The following SCN1A variants were observed in gnomAD, a reference collection of about 807,000 sequenced individuals.
The protein encoded by SCN1A is sodium voltage-gated channel alpha subunit 1, also known as sodium channel protein type 1 subunit alpha.
Under a neutral mutation model 193.7 loss-of-function variants are expected in SCN1A, and 13 were observed. The observed-to-expected ratio is 0.07, with a 90% CI of 0.04 to 0.11. SCN1A has a LOEUF of 0.11. Among genes scored for constraint, SCN1A ranks in the 10% least tolerant of loss-of-function variants. The pLI, the probability that SCN1A is intolerant of heterozygous loss-of-function variation, is 1.00. For synonymous variants in SCN1A, 781 were observed against 843.6 expected (o/e 0.93, Z 1.29); for missense variants, 1,432 against 2,451.1 (o/e 0.58, Z 8.78).
At chr2:166,074,859 C>T (rs1684836317) in intron 3 of SCN1A, among the ~76,000 whole-genome samples, 1 of 152,110 alleles carries the variant, frequency 6.6e-6, no homozygotes, top group East Asian at 1.9e-4. Context: ...CAAGGAGGTT[C>T]TCATTGTTGT....
rs1209002654 is a variant in SCN1A, at chr2:166,135,049, C to G, written c.-50+13998G>C. On this transcript the variant is annotated intron_variant, in intron 1 of 26. Coordinates refer to the SCN1A transcript ENST00000635750. ...TGTGTTCTTTCCTTTGCTCTTAAGT[C>G]AGTTAAACATAATGCTTGGGTTCTT... 3.3e-5 allele frequency among the ~76,000 whole-genome samples: 5 copies of G among 152,262 alleles called. No individual in the cohort carries two copies. In the East Asian group the frequency reaches 9.6e-4, roughly 29 times the overall value.
chr2:166,069,975 C>G (rs1021734516), intron 4 of SCN1A, among the ~76,000 whole-genome samples: 1 of 152,086 alleles, frequency 6.6e-6, no homozygotes, highest in African/African-American at 2.4e-5. Flanking sequence ...TCTCAGATAA[C>G]CCAGTCACTA....
At chr2:166,027,287 C>A (rs879505033) in intron 19 of SCN1A, 16 of 152,148 alleles carry the variant, frequency 1.1e-4, no homozygotes, top group Non-Finnish European at 2.2e-4. Flanking sequence ...TTTAACAATG[C>A]TCTTTACTAT....
rs545041745 is a variant in SCN1A at position 166,121,128 on chromosome 2, A to G, written c.-142+5796T>C. 9.9e-5 allele frequency among the ~76,000 whole-genome samples: 15 copies of G among 151,626 alleles called. No individual in the cohort carries two copies. The South Asian group carries it at 2.3e-3, about 23-fold the overall frequency. On this transcript the variant is annotated intron_variant, in intron 2 of 28. Transcript: ENST00000674923. ...TGTCAGGAAAAAAAAGAAAAAAAAA[A>G]AAAAAGAAAAAGAAAGAAAGACAAA...
At chr2:166,044,929 C>T in intron 13 of SCN1A, 114 bp downstream of exon 13, 1 of 1,146,454 alleles carries the variant, frequency 8.7e-7, no homozygotes, top group Non-Finnish European at 1.3e-6. Flanking sequence ...TTAAATATAA[C>T]ACAACAGTGG....
At chr2:166,142,921 G>T (rs1039341677) in intron 1 of SCN1A, among the ~76,000 whole-genome samples, 6 of 152,172 alleles carry the variant, frequency 3.9e-5, no homozygotes, top group Non-Finnish European at 7.3e-5. Context: ...GCCATGTAAG[G>T]CGTGTCTTTT....
intron 19 of SCN1A, 110 bp downstream of exon 19, chr2:166,035,938 A>ATT: frequency 9.1e-7 from 1 of 1,099,002 alleles, no homozygotes; most frequent in Non-Finnish European, 1.3e-6. Context: ...ATAAAGTAAA[A>ATT]AAAAAAAAAA....
chr2:165,995,661 C>T (rs1430920804), intron 27 of SCN1A, among the ~76,000 whole-genome samples: 1 of 151,794 alleles, frequency 6.6e-6, no homozygotes, highest in Non-Finnish European at 1.5e-5. Context: ...CCAAGGTTTA[C>T]TTCTTTCCCT....
intron 4 of SCN1A, chr2:166,060,150 A>G (rs1574309220): frequency 6.6e-6 from 1 of 152,194 alleles, no homozygotes; most frequent in Non-Finnish European, 1.5e-5. Flanking sequence ...CACATCCTCA[A>G]CAGAGTTTGA....
At chr2:166,106,882 G>A (rs6752526) in intron 2 of SCN1A, among the ~76,000 whole-genome samples, 3,359 of 152,178 alleles carry the variant, frequency 0.022, 285 homozygotes, top group Admixed American at 0.16. Flanking sequence ...TTATGCTCAC[G>A]GTCTAAGAAA....
intron 3 of SCN1A, among the ~76,000 whole-genome samples, 200 bp from the exon 4 acceptor site, chr2:166,073,870 G>T (rs906370702): frequency 6.6e-6 from 1 of 152,140 alleles, no homozygotes; most frequent in African/African-American, 2.4e-5. Flanking sequence ...ATTAATTCTT[G>T]TGCTTTACTG....
chr2:166,051,442 A>T (rs1272557361), intron 9 of SCN1A, among the ~76,000 whole-genome samples: 2 of 152,054 alleles, frequency 1.3e-5, no homozygotes, highest in Non-Finnish European at 2.9e-5. Context: ...GATGGAAGGC[A>T]CATTAGCAAT....
At chr2:166,014,694 A>ATCCTGT (rs1693035927) in intron 20 of SCN1A, among the ~76,000 whole-genome samples, 7 of 151,122 alleles carry the variant, frequency 4.6e-5, no homozygotes, top group Non-Finnish European at 7.4e-5. Flanking sequence ...GGAGAAAGGG[A>ATCCTGT]ATGAATGGAG....
At chr2:166,078,687 T>C (rs1301107555) in intron 2 of SCN1A, among the ~76,000 whole-genome samples, 1 of 151,726 alleles carries the variant, frequency 6.6e-6, no homozygotes. Flanking sequence ...TAGATAGGAA[T>C]GCTATATCAT....
chr2:166,046,696 A>T, intron 12 of SCN1A, 74 bp downstream of exon 12: 1 of 1,334,328 alleles, frequency 7.5e-7, no homozygotes, highest in Non-Finnish European at 1.1e-6. Flanking sequence ...GCTCTTAGGT[A>T]CTCACTTTCT....
chr2:166,135,488 A>T (rs73972811), intron 1 of SCN1A, among the ~76,000 whole-genome samples: 1,819 of 152,346 alleles, frequency 0.012, 36 homozygotes, highest in African/African-American at 0.041. Context: ...TGTAAAGTAT[A>T]CAAGTGTCGC....
chr2:166,010,979 G>T (rs1692365347), intron 22 of SCN1A, among the ~76,000 whole-genome samples: 1 of 150,956 alleles, frequency 6.6e-6, no homozygotes. Context: ...GTTTTAAAGG[G>T]TTAAATTACA....
At chr2:166,120,143 G>A (rs909254209) in intron 2 of SCN1A, among the ~76,000 whole-genome samples, 22 of 148,480 alleles carry the variant, frequency 1.5e-4, no homozygotes, top group Non-Finnish European at 2.4e-4. Flanking sequence ...AAAATAAGAT[G>A]TAATATTCTA....
Position 166,036,094 on chromosome 2 carries a change from T to A in SCN1A, c.3383A>T (p.Asn1128Ile). The change falls in exon 19 of 29, where the codon AAC (asparagine) becomes ATC (isoleucine). Residue 1128 changes from asparagine to isoleucine, a missense_variant. Coordinates refer to ENST00000674923, the MANE Select transcript of SCN1A (RefSeq NM_001165963.4). The part of the protein sequence containing the change: ...AVGESDFENL[N>I]TEDFSSESDL... ...CGATTCACTACTAAAGTCTTCCGTG[T>A]TTAAATTTTCAAAGTCAGATTCTCC... The A allele has an allele frequency of 6.2e-7, 1 of 1,613,988 alleles. No individual in the cohort carries two copies. The highest frequency in any genetic ancestry group is 8.5e-7 in the Non-Finnish European group (1 of 1,179,942).
Sources: gnomAD v4.1 joint callset for allele counts (sites outside exome capture counted in the v4.1 genomes callset) on GRCh38, gnomAD v4.1.1 for gene constraint, MANE v1.5 for transcripts, NCBI Gene and HGNC (gene_info 2026-07-23, HGNC 2026-07-21) for gene names.